The following FSTL4 variants were observed in gnomAD, a reference collection of about 807,000 sequenced individuals.
The protein encoded by FSTL4 is follistatin-related protein 4.
In FSTL4, 28 loss-of-function variants were observed where a neutral mutation model predicts 78.2. The ratio of observed to expected loss-of-function variants is 0.36; its 90% confidence interval spans 0.27 to 0.49. The LOEUF is 0.49. Ranked by LOEUF, FSTL4 falls within the 20% of genes least tolerant of loss-of-function variation. The pLI is 0.98. For synonymous variants in FSTL4, 422 were observed against 440.5 expected (o/e 0.96, Z 0.53); for missense variants, 922 against 1,084.9 (o/e 0.85, Z 2.11).
the FSTL4 span, among the ~76,000 whole-genome samples, chr5:133,802,302 GA>G: frequency 6.6e-6 from 1 of 152,192 alleles, no homozygotes; most frequent in South Asian, 2.1e-4. Flanking sequence ...AGGAATCAAG[GA>G]AAGAGGAGAG....
chr5:133,731,779 C>A, the FSTL4 span, among the ~76,000 whole-genome samples: 1 of 152,154 alleles, frequency 6.6e-6, no homozygotes, highest in African/African-American at 2.4e-5. Context: ...AGCTGCTGAC[C>A]GGAGAGGAAG....
the FSTL4 span, among the ~76,000 whole-genome samples, chr5:133,666,155 C>T: frequency 6.6e-6 from 1 of 151,904 alleles, no homozygotes; most frequent in Non-Finnish European, 1.5e-5. Context: ...TGCACACGAA[C>T]CTGCCAAGCT....
intron 3 of FSTL4, among the ~76,000 whole-genome samples, chr5:133,527,240 G>A (rs531791366): frequency 1.1e-3 from 160 of 152,248 alleles, no homozygotes; most frequent in Non-Finnish European, 5.0e-4. Context: ...GCAAATTGAG[G>A]GGTATATTTT....
chr5:133,607,949 C>T (rs890712107), intron 1 of FSTL4, among the ~76,000 whole-genome samples: 3 of 152,272 alleles, frequency 2.0e-5, no homozygotes, highest in African/African-American at 7.2e-5. Flanking sequence ...TAAAAAGATG[C>T]ACAGAATCCC....
chr5:133,273,589 G>T (rs1707766872), intron 6 of FSTL4, among the ~76,000 whole-genome samples: 1 of 152,174 alleles, frequency 6.6e-6, no homozygotes, highest in Non-Finnish European at 1.5e-5. Context: ...CTCCCAAGGG[G>T]TGCAGAACAG....
chr5:133,224,011 G>A (rs1343195435), intron 11 of FSTL4, 179 bp downstream of exon 11: 17 of 535,202 alleles, frequency 3.2e-5, no homozygotes, highest in Middle Eastern at 4.8e-4. Context: ...TCTCATTAAA[G>A]ACAGGAGTAC....
the FSTL4 span, among the ~76,000 whole-genome samples, chr5:133,629,600 T>C: frequency 6.6e-6 from 1 of 152,216 alleles, no homozygotes; most frequent in African/African-American, 2.4e-5. Context: ...CTTCTGAAAG[T>C]ATTCCAAACA....
At chr5:133,487,151 G>A (rs76936778) in intron 3 of FSTL4, among the ~76,000 whole-genome samples, 5 of 152,264 alleles carry the variant, frequency 3.3e-5, no homozygotes, top group Non-Finnish European at 7.4e-5. Context: ...TCAAGAGGAC[G>A]CTCTGATGTA....
intron 3 of FSTL4, among the ~76,000 whole-genome samples, chr5:133,469,896 G>C (rs1323830002): frequency 1.3e-5 from 2 of 151,884 alleles, no homozygotes; most frequent in Non-Finnish European, 2.9e-5. Context: ...GTCAAGATAA[G>C]GATGGGGAAA....
chr5:133,427,652 G>C (rs1275033845), intron 3 of FSTL4: 1 of 530,690 alleles, frequency 1.9e-6, no homozygotes, highest in African/African-American at 1.9e-5. Context: ...CAGTGACTCT[G>C]TTCAGTAGTT....
the FSTL4 span, among the ~76,000 whole-genome samples, chr5:133,755,121 A>G: frequency 1.3e-5 from 2 of 151,952 alleles, no homozygotes; most frequent in Admixed American, 6.6e-5. Context: ...AACTCCATGG[A>G]AACTCTCAGA....
chr5:133,199,852 A>G lies in FSTL4; in HGVS notation c.1827-55T>C, dbSNP rs1377063967. 28 of 876,928 alleles carry G rather than the reference A, an allele frequency of 3.2e-5. No individual in the cohort carries two copies. The highest frequency in any genetic ancestry group is 1.2e-4 in the Admixed American group (5 of 40,042). The allele number at this position is 876,928 out of a possible 1,614,324, so 54.3% of individuals were successfully genotyped here. On this transcript the variant is annotated intron_variant, in intron 15 of 15. Coordinates refer to ENST00000265342, the MANE Select transcript of FSTL4 (RefSeq NM_015082.2). The surrounding 1 kb of genome is among the most constrained non-coding windows in gnomAD (Gnocchi z 4.4). ...TGCCTCCAGGGGTGGGGAATCTGTC[A>G]TTTGTCTTAAACAATTACATCCTCT...
intron 3 of FSTL4, among the ~76,000 whole-genome samples, chr5:133,437,285 G>T (rs1222913844): frequency 6.6e-6 from 1 of 152,112 alleles, no homozygotes; most frequent in African/African-American, 2.4e-5. Context: ...TCAGAGCAGA[G>T]GTCTAAGTAG....
At chr5:133,702,495 G>C in the FSTL4 span, among the ~76,000 whole-genome samples, 1 of 152,034 alleles carries the variant, frequency 6.6e-6, no homozygotes, top group Non-Finnish European at 1.5e-5. Context: ...CCCGGAGTCC[G>C]GGGGCTTGGG....
At chr5:133,627,567 T>C in the FSTL4 span, among the ~76,000 whole-genome samples, 6 of 152,214 alleles carry the variant, frequency 3.9e-5, no homozygotes, top group Middle Eastern at 6.3e-3. Flanking sequence ...GCTGTTAATA[T>C]AGGTACTTTG....
At chr5:133,563,829 A>G (rs1759972191) in intron 3 of FSTL4, among the ~76,000 whole-genome samples, 1 of 152,250 alleles carries the variant, frequency 6.6e-6, no homozygotes, top group Admixed American at 6.5e-5. Context: ...TCTATGAAAA[A>G]TCATGAGAGA....
Position 133,403,881 on chromosome 5 carries a change from T to C in FSTL4, c.161-2895A>G, listed in dbSNP as rs536722028. ...CTCCTTTGAAAGCTGTGTGTCCAGA[T>C]GGTAGTGAGCACCTCTGAGGCCCAG... is the stretch of plus-strand genomic sequence containing the variant. On this transcript the variant is annotated intron_variant, in intron 3 of 15. Coordinates refer to ENST00000265342, the MANE Select transcript of FSTL4 (RefSeq NM_015082.2). Among the ~76,000 whole-genome samples, 5 of 152,264 alleles carry C rather than the reference T, an allele frequency of 3.3e-5. No homozygotes were observed. The South Asian group carries it at 1.0e-3, about 32-fold the overall frequency.
intron 14 of FSTL4, among the ~76,000 whole-genome samples, chr5:133,205,242 G>T (rs112968657): frequency 6.6e-6 from 1 of 152,020 alleles, no homozygotes; most frequent in African/African-American, 2.4e-5. Flanking sequence ...TATTGAAAAC[G>T]TCCTACATGT....
chr5:133,469,646 T>A (rs1757778722), intron 3 of FSTL4, among the ~76,000 whole-genome samples: 1 of 152,210 alleles, frequency 6.6e-6, no homozygotes, highest in Non-Finnish European at 1.5e-5. Flanking sequence ...GGTAGGTACA[T>A]GCATTTCTTT....
Sources: allele counts gnomAD v4.1 joint callset (sites outside exome capture counted in the v4.1 genomes callset), GRCh38; gene constraint gnomAD v4.1.1; non-coding constraint Gnocchi (gnomAD v3.1); transcripts MANE v1.5; gene names NCBI Gene and HGNC (gene_info 2026-07-23, HGNC 2026-07-21).